Variants in DNA2 observed in about 807,000 individuals in gnomAD.
DNA2 encodes DNA replication helicase/nuclease 2.
Under a neutral mutation model 119.1 loss-of-function variants are expected in DNA2, and 101 were observed. The ratio of observed to expected loss-of-function variants is 0.85; its 90% CI spans 0.72 to 1.00. DNA2 has a LOEUF of 1.00. DNA2 is among the 50% of genes least tolerant of loss of function. The pLI, the probability that DNA2 is intolerant of heterozygous loss-of-function variation, is 0.00. For missense variants in DNA2, 1,121 were observed against 1,255.5 expected (o/e 0.89, Z 1.62); for synonymous variants, 366 against 424.4 (o/e 0.86, Z 1.69).
At chr10:68,470,443 A>C (rs2052371484) in intron 1 of DNA2, 1 of 369,474 alleles carries the variant, frequency 2.7e-6, no homozygotes, top group Non-Finnish European at 5.1e-6. Context: ...CACTCATTAC[A>C]ATGAGGATTA....
upstream of DNA2, chr10:68,472,239 C>G: frequency 3.2e-5 from 38 of 1,179,494 alleles, no homozygotes; most frequent in Non-Finnish European, 4.1e-5. Flanking sequence ...GGACTACAGG[C>G]GCCCAGCTTA....
At chr10:68,432,877 G>C (rs764281551) in intron 10 of DNA2, among the ~76,000 whole-genome samples, 1 of 152,064 alleles carries the variant, frequency 6.6e-6, no homozygotes, top group Non-Finnish European at 1.5e-5. Context: ...CCTTCTCCCT[G>C]TCTTCTATCT....
chr10:68,425,336 C>A (rs1407851852), intron 14 of DNA2, among the ~76,000 whole-genome samples: 1 of 151,388 alleles, frequency 6.6e-6, no homozygotes, highest in Non-Finnish European at 1.5e-5. Flanking sequence ...CCTCGTGATC[C>A]ACCCGCCTCG....
At chr10:68,467,350 C>G (rs2133448352) in intron 3 of DNA2, among the ~76,000 whole-genome samples, 1 of 152,114 alleles carries the variant, frequency 6.6e-6, no homozygotes, top group African/African-American at 2.4e-5. Context: ...ACTTCATGAA[C>G]TGCTCACCTC....
intron 7 of DNA2, among the ~76,000 whole-genome samples, chr10:68,445,463 C>G (rs2052026428): frequency 6.6e-6 from 1 of 150,934 alleles, no homozygotes; most frequent in Admixed American, 6.6e-5. Flanking sequence ...AACTCGGTCT[C>G]AAAAAAATAA....
At chr10:68,424,745 C>A (rs2133366253) in intron 14 of DNA2, 2 of 1,516,230 alleles carry the variant, frequency 1.3e-6, no homozygotes, top group African/African-American at 2.7e-5. Context: ...AAGGACACTA[C>A]AAAGGTCAGC....
Position 68,450,202 on chromosome 10 carries a change from G to A in DNA2, c.765C>T (p.Val255=), listed in dbSNP as rs1310938652. The A allele has an allele frequency of 6.9e-6, 11 of 1,596,214 alleles. No individual in the cohort carries two copies. Among genetic ancestry groups the A allele is most frequent in the African/African-American group, 2.7e-5 (2 of 74,296 alleles). The change falls in exon 6 of 21, where the codon GTC becomes GTT. Residue 255 remains valine, a synonymous_variant. Transcript: ENST00000358410. ...TTTCTTCAATATCCATTGGTTTCACGACTTCAATGTTACATGTTGAATTAT... is the reference window on the plus strand; with the variant it reads ...TTTCTTCAATATCCATTGGTTTCACAACTTCAATGTTACATGTTGAATTAT... ...SKDNSTCNIE[V]VKPMDIEESI...
intron 4 of DNA2, among the ~76,000 whole-genome samples, chr10:68,465,038 A>G (rs1446702822): frequency 1.6e-5 from 2 of 124,656 alleles, no homozygotes; most frequent in African/African-American, 3.4e-5. Context: ...TTTTTTTTTG[A>G]GATGGAGTCT....
rs1340091850 is a variant in DNA2, at chr10:68,419,845, T to A, written c.2745A>T (p.Thr915=). 20 of 1,613,834 alleles carry A rather than the reference T, an allele frequency of 1.2e-5. No individual in the cohort carries two copies. Among genetic ancestry groups the A allele is most frequent in the Non-Finnish European group, 1.6e-5 (19 of 1,179,884 alleles). The change falls in exon 18 of 21, where the codon ACA becomes ACT. Residue 915 remains threonine, a synonymous_variant. Coordinates refer to ENST00000358410, the MANE Select transcript of DNA2 (RefSeq NM_001080449.3). ...QVEKGGVSNV[T]EAKLIVFLTS... ...TTAGGAAAACTATGAGTTTGGCTTC[T>A]GTTACATTGCTCACACCACCTTTTT...
chr10:68,429,552 A>AC (rs1254422977), intron 14 of DNA2, among the ~76,000 whole-genome samples: 2 of 149,742 alleles, frequency 1.3e-5, no homozygotes, highest in Admixed American at 1.3e-4. Context: ...CTCAAAAAAA[A>AC]AAAAAAAAAA....
intron 14 of DNA2, chr10:68,424,503 CAAA>C (rs60968180): frequency 2.7e-3 from 1,294 of 472,106 alleles, no homozygotes; most frequent in Middle Eastern, 4.0e-3. Context: ...GTCACTGTCT[CAAA>C]AAAAAAAAAA....
At chr10:68,430,322 A>G (rs1590053777) in intron 14 of DNA2, 114 bp downstream of exon 14, 2 of 728,792 alleles carry the variant, frequency 2.7e-6, no homozygotes, top group East Asian at 5.4e-5. Flanking sequence ...GTACATATAA[A>G]TTAATCATGT....
Position 68,437,017 on chromosome 10 carries a change from A to G in DNA2, c.1640T>C (p.Leu547Ser), listed in dbSNP as rs773179124. Reference sequence around the variant, plus strand: ...AAAAGTAACATTTCATTACCTGTCTAATAAACAAGTTACTGTTGTCATGTT... The same window carrying G: ...AAAAGTAACATTTCATTACCTGTCTGATAAACAAGTTACTGTTGTCATGTT... ...EINMTTVTCLLDRNLSVLPES... is the reference protein window; with the variant it reads ...EINMTTVTCLSDRNLSVLPES... The change falls in exon 10 of 21, where the codon TTA (leucine) becomes TCA (serine). Residue 547 changes from leucine (L) to serine (S), a missense_variant. Leu to Ser is a moderately radical substitution (Grantham distance 145). Transcript: ENST00000358410. The G allele has an allele frequency of 8.1e-6, 13 of 1,606,710 alleles. No individual in the cohort carries two copies. Among genetic ancestry groups the G allele is most frequent in the Non-Finnish European group, 1.1e-5 (13 of 1,175,900 alleles).
chr10:68,439,443 G>A (rs927043140), intron 9 of DNA2, among the ~76,000 whole-genome samples: 2 of 152,088 alleles, frequency 1.3e-5, no homozygotes, highest in African/African-American at 4.8e-5. Context: ...GCTAACGCTT[G>A]TAATCCCAGC....
intron 4 of DNA2, chr10:68,461,499 AC>A (rs1198113491): frequency 6.6e-6 from 1 of 152,076 alleles, no homozygotes; most frequent in Non-Finnish European, 1.5e-5. Context: ...ATGGGAGACC[AC>A]CTGGGAATAT....
chr10:68,464,954 T>A (rs1007855459), intron 4 of DNA2, among the ~76,000 whole-genome samples: 1 of 148,252 alleles, frequency 6.7e-6, no homozygotes, highest in Non-Finnish European at 1.5e-5. Flanking sequence ...GTCGTTTGAG[T>A]ACAGCCTGGA....
intron 7 of DNA2, among the ~76,000 whole-genome samples, chr10:68,445,330 G>A (rs1038944936): frequency 3.3e-5 from 5 of 152,090 alleles, no homozygotes; most frequent in Non-Finnish European, 7.4e-5. Context: ...TGGGATTGGT[G>A]GCGCATGACT....
rs150147540 is a variant in DNA2 at position 68,440,962 on chromosome 10, C to G, written c.1415+1955G>C. Among the ~76,000 whole-genome samples, 309 of 152,270 alleles carry G rather than the reference C, an allele frequency of 2.0e-3. 4 individuals carry two copies. The highest frequency in any genetic ancestry group is 6.9e-3 in the African/African-American group (288 of 41,570). On this transcript the variant is annotated intron_variant, in intron 9 of 20. Transcript: ENST00000358410. ...TTGGGAGGCCAAAGTGGGAGGATCA[C>G]TTGAGCTCAGGAATTTAAGACTATG...
Position 68,468,282 on chromosome 10 carries a change from T to G in DNA2, c.282A>C (p.Gly94=). The G allele has an allele frequency of 1.2e-6, 2 of 1,601,400 alleles. No individual in the cohort carries two copies. Among genetic ancestry groups the G allele is most frequent in the Non-Finnish European group, 1.7e-6 (2 of 1,174,602 alleles). Residue 94 remains glycine (G), a synonymous_variant, in exon 3 of 21, where the codon GGA becomes GGC. Transcript: ENST00000358410. ...AGTCTCCCTCCAAATGAATGATATCTCCTGGCTCTACTGGAACAGAACACC... is the reference window on the plus strand; with the variant it reads ...AGTCTCCCTCCAAATGAATGATATCGCCTGGCTCTACTGGAACAGAACACC... ...NDWCSVPVEP[G]DIIHLEGDCT...
Sources: gnomAD v4.1 joint callset for allele counts (sites outside exome capture counted in the v4.1 genomes callset) on GRCh38, gnomAD v4.1.1 for gene constraint, MANE v1.5 for transcripts, NCBI Gene and HGNC (gene_info 2026-07-23, HGNC 2026-07-21) for gene names.